BTBD9: variants seen among roughly 807,000 people sequenced by gnomAD.
BTBD9 encodes BTB/POZ domain-containing protein 9.
Under a neutral mutation model 64.3 loss-of-function variants are expected in BTBD9, and 49 were observed. The ratio of observed to expected loss-of-function variants is 0.76; its 90% confidence interval spans 0.61 to 0.97. The LOEUF (loss-of-function observed/expected upper bound fraction) is 0.97. Ranked by LOEUF, BTBD9 falls within the 50% of genes least tolerant of loss-of-function variation. The pLI, the probability that BTBD9 is intolerant of heterozygous loss-of-function variation, is 0.00. For synonymous variants in BTBD9, 260 were observed against 274.7 expected (o/e 0.95, Z 0.53); for missense variants, 598 against 762.1 (o/e 0.78, Z 2.53).
At chr6:38,321,669 C>G (rs1467916891) in intron 7 of BTBD9, among the ~76,000 whole-genome samples, 1 of 152,074 alleles carries the variant, frequency 6.6e-6, no homozygotes, top group African/African-American at 2.4e-5. Context: ...ATTAGAACTC[C>G]TTAGACAAGA....
chr6:38,208,524 G>A (rs578086505), intron 9 of BTBD9, among the ~76,000 whole-genome samples: 33 of 152,218 alleles, frequency 2.2e-4, no homozygotes, highest in Middle Eastern at 3.4e-3. Context: ...GTCTGTCCCC[G>A]CTAGGTCCCC....
intron 6 of BTBD9, among the ~76,000 whole-genome samples, chr6:38,385,219 T>C (rs907256129): frequency 6.7e-6 from 1 of 150,010 alleles, no homozygotes; most frequent in African/African-American, 2.5e-5. Context: ...TGAGACAAAG[T>C]CTTGCTCTGT....
chr6:38,425,974 A>AGACCAGAAGCTATAAAAGCAAGCCC, intron 6 of BTBD9, among the ~76,000 whole-genome samples: 1 of 151,132 alleles, frequency 6.6e-6, no homozygotes, highest in Non-Finnish European at 1.5e-5. Flanking sequence ...AAGCAAGCCC[A>AGACCAGAAGCTATAAAAGCAAGCCC]GACCAGAAGC....
intron 6 of BTBD9, among the ~76,000 whole-genome samples, chr6:38,421,396 G>A (rs1358510608): frequency 1.3e-5 from 2 of 152,218 alleles, no homozygotes; most frequent in African/African-American, 4.8e-5. Context: ...ACAGTAATAG[G>A]AGGCAAGATT....
chr6:38,228,435 G>C (rs149870194), intron 9 of BTBD9, among the ~76,000 whole-genome samples: 1 of 151,196 alleles, frequency 6.6e-6, no homozygotes, highest in African/African-American at 2.4e-5. Context: ...TGTCAGTGTA[G>C]GTTCATCAAA....
At chr6:38,500,337 A>C (rs888701790) in intron 6 of BTBD9, among the ~76,000 whole-genome samples, 1 of 152,138 alleles carries the variant, frequency 6.6e-6, no homozygotes, top group Non-Finnish European at 1.5e-5. Flanking sequence ...ACTGGTAATA[A>C]ACCCTCCCCA....
At chr6:38,191,686 G>A (rs1762080585) in intron 10 of BTBD9, among the ~76,000 whole-genome samples, 1 of 152,180 alleles carries the variant, frequency 6.6e-6, no homozygotes, top group African/African-American at 2.4e-5. Context: ...AGATGAGGAT[G>A]GGCAGGCCAA....
chr6:38,185,503 G>A (rs1160921704), intron 10 of BTBD9, among the ~76,000 whole-genome samples: 1 of 152,176 alleles, frequency 6.6e-6, no homozygotes, highest in African/African-American at 2.4e-5. Context: ...CAGCCAGACT[G>A]CCTGGATTCA....
At chr6:38,268,073 A>G (rs1324340529) in intron 8 of BTBD9, among the ~76,000 whole-genome samples, 1 of 152,226 alleles carries the variant, frequency 6.6e-6, no homozygotes, top group East Asian at 1.9e-4. Flanking sequence ...ATTCCTGTAC[A>G]ATATCTTCAG....
In BTBD9 at chr6:38,305,822, GA is replaced by G. The variant is rs544881506; in HGVS notation, c.1265-17362del. Among the ~76,000 whole-genome samples the G allele has an allele frequency of 2.2e-3, 332 of 152,292 alleles. 1 individual carries two copies. The highest frequency in any genetic ancestry group is 7.6e-3 in the African/African-American group (317 of 41,568). On this transcript the variant is annotated intron_variant, in intron 7 of 10. Transcript: ENST00000481247. ...AAAGGTCTTTTATGCCCGAGGGGGA[GA>G]AATGTCTGCTTTAGTCACACTTACA...
At chr6:38,382,531 AG>A (rs375275178) in intron 6 of BTBD9, among the ~76,000 whole-genome samples, 27 of 151,094 alleles carry the variant, frequency 1.8e-4, no homozygotes, top group Non-Finnish European at 3.5e-4. Flanking sequence ...AAAAAAAAAA[AG>A]AAAAGAAAAA....
intron 9 of BTBD9, among the ~76,000 whole-genome samples, chr6:38,199,553 G>C (rs76362323): frequency 6.6e-6 from 1 of 152,216 alleles, no homozygotes; most frequent in Non-Finnish European, 1.5e-5. Flanking sequence ...ATTTATCAGC[G>C]TTAAAAAGGG....
At chr6:38,600,882 T>C (rs1213279488) in intron 1 of BTBD9, among the ~76,000 whole-genome samples, 1 of 152,220 alleles carries the variant, frequency 6.6e-6, no homozygotes, top group Non-Finnish European at 1.5e-5. Flanking sequence ...TAAACTTGCA[T>C]TTTAATTATG....
rs1231453274 is a variant in BTBD9, at chr6:38,169,829, A to G, written c.*5156T>C. ...AAATGGTAAATGCTCCCAGACATTT[A>G]TCATAAATTACAGGTGGATGATTGT... On this transcript the variant is annotated 3_prime_UTR_variant, in exon 11 of 11. Coordinates refer to ENST00000481247, the MANE Select transcript of BTBD9 (RefSeq NM_001099272.2). 2 of 141,558 alleles carry G rather than the reference A, an allele frequency of 1.4e-5. No homozygotes were observed. Among genetic ancestry groups the G allele is most frequent in the Admixed American group, 1.6e-4 (2 of 12,542 alleles). 8.8% of individuals were successfully genotyped at this position (141,558 alleles called of 1,614,324 possible).
chr6:38,375,707 A>G (rs2127609644), intron 6 of BTBD9, among the ~76,000 whole-genome samples: 1 of 152,296 alleles, frequency 6.6e-6, no homozygotes, highest in Non-Finnish European at 1.5e-5. Flanking sequence ...TGGAAAATCC[A>G]GCTATGGTTT....
chr6:38,207,582 T>A (rs1762701165), intron 9 of BTBD9, among the ~76,000 whole-genome samples: 1 of 152,108 alleles, frequency 6.6e-6, no homozygotes, highest in Non-Finnish European at 1.5e-5. Context: ...GTGACTGCAC[T>A]GCTGCATTCC....
At chr6:38,598,402 C>A (rs1489610265) in intron 1 of BTBD9, among the ~76,000 whole-genome samples, 1 of 152,132 alleles carries the variant, frequency 6.6e-6, no homozygotes, top group Non-Finnish European at 1.5e-5. Flanking sequence ...AGCCCAAACA[C>A]AGGTCTCATA....
chr6:38,395,476 G>C (rs1334193053), intron 6 of BTBD9, among the ~76,000 whole-genome samples: 1 of 152,084 alleles, frequency 6.6e-6, no homozygotes, highest in African/African-American at 2.4e-5. Context: ...GCTAGAAAGC[G>C]CCACCTATAA....
At chr6:38,392,383 C>T (rs1766458740) in intron 6 of BTBD9, among the ~76,000 whole-genome samples, 1 of 152,120 alleles carries the variant, frequency 6.6e-6, no homozygotes, top group Non-Finnish European at 1.5e-5. Flanking sequence ...TAGGGAACTG[C>T]CTCTCTGCTA....
Sources: gnomAD v4.1 joint callset for allele counts (sites outside exome capture counted in the v4.1 genomes callset) on GRCh38, gnomAD v4.1.1 for gene constraint, MANE v1.5 for transcripts, NCBI Gene and HGNC (gene_info 2026-07-23, HGNC 2026-07-21) for gene names.